Variants in DTWD2 observed in about 807,000 individuals in gnomAD.
DTWD2 encodes the protein tRNA-uridine aminocarboxypropyltransferase 2.
DTWD2 carries 39 observed loss-of-function variants against 31.8 expected under a neutral mutation model. That is an observed-to-expected ratio of 1.22 (90% CI 0.95 to 1.60). The LOEUF is 1.60. Among genes scored for constraint, DTWD2 ranks in the 40% most tolerant of loss-of-function variants. The pLI, the probability that DTWD2 is intolerant of heterozygous loss-of-function variation, is 0.00. For missense variants in DTWD2, 515 were observed against 381.5 expected, an observed-to-expected ratio of 1.35 and a Z score of -2.92; for synonymous variants, 180 against 142.8, an observed-to-expected ratio of 1.26 and a Z score of -1.86.
rs1580445273 is a variant in DTWD2, at chr5:118,968,136, C to A, written c.218+20158G>T. ...AATCATGAGAAATCATAAGTCAAAC[C>A]CAACTTGAGAGACATTCTACAAAAT... On this transcript the variant is annotated intron_variant, in intron 1 of 5. Coordinates refer to ENST00000510708, the MANE Select transcript of DTWD2 (RefSeq NM_173666.4). 2.0e-5 allele frequency among the ~76,000 whole-genome samples: 3 copies of A among 151,066 alleles called. No homozygotes were observed. The East Asian group carries it at 5.8e-4, about 29-fold the overall frequency.
intron 4 of DTWD2, among the ~76,000 whole-genome samples, chr5:118,889,212 G>A (rs990411435): frequency 1.3e-5 from 2 of 151,918 alleles, no homozygotes; most frequent in African/African-American, 4.8e-5. Flanking sequence ...GTCCTTCCCT[G>A]GTACTTCCTG....
intron 4 of DTWD2, among the ~76,000 whole-genome samples, chr5:118,879,681 T>G (rs1752698579): frequency 6.6e-6 from 1 of 150,558 alleles, no homozygotes; most frequent in South Asian, 2.1e-4. Flanking sequence ...AAGGCCCTTA[T>G]CCTTAGTAAA....
At chr5:118,842,886 G>A (rs1214415461) in intron 5 of DTWD2, among the ~76,000 whole-genome samples, 2 of 151,816 alleles carry the variant, frequency 1.3e-5, no homozygotes, top group Non-Finnish European at 2.9e-5. Flanking sequence ...GGTCAAGGCG[G>A]CAGTGAGCCA....
intron 1 of DTWD2, chr5:118,974,089 C>A (rs532139791): frequency 3.1e-6 from 5 of 1,599,566 alleles, no homozygotes; most frequent in Admixed American, 1.7e-5. Context: ...ATGACGATGT[C>A]GATACCAAGA....
intron 1 of DTWD2, among the ~76,000 whole-genome samples, chr5:118,961,133 T>G (rs928822315): frequency 1.3e-5 from 2 of 152,072 alleles, no homozygotes; most frequent in Admixed American, 6.5e-5. Context: ...AGAGGCCAGA[T>G]GCCTAGAGAA....
chr5:118,905,501 T>C (rs761099176), intron 4 of DTWD2, among the ~76,000 whole-genome samples: 49 of 152,276 alleles, frequency 3.2e-4, no homozygotes, highest in South Asian at 4.1e-4. Flanking sequence ...ACTGCAATCA[T>C]CCTGCTCTAT....
At chr5:118,913,738 T>G (rs73239050) in intron 4 of DTWD2, among the ~76,000 whole-genome samples, 6,073 of 151,924 alleles carry the variant, frequency 0.04, 399 homozygotes, top group African/African-American at 0.14. Context: ...GAGCAAGAAA[T>G]CAATTTAAAC....
intron 2 of DTWD2, among the ~76,000 whole-genome samples, chr5:118,943,348 G>A (rs1395098033): frequency 3.9e-5 from 6 of 152,060 alleles, no homozygotes; most frequent in Non-Finnish European, 7.4e-5. Context: ...TCAGGAGATC[G>A]AGACCATCCT....
intron 5 of DTWD2, among the ~76,000 whole-genome samples, chr5:118,844,921 T>C (rs1751813476): frequency 6.6e-6 from 1 of 151,808 alleles, no homozygotes; most frequent in Admixed American, 6.6e-5. Context: ...ATCGCTTAAA[T>C]CCCCTAGGAG....
chr5:118,844,870 A>C (rs767048176), intron 5 of DTWD2, among the ~76,000 whole-genome samples: 2 of 152,220 alleles, frequency 1.3e-5, no homozygotes, highest in Non-Finnish European at 2.9e-5. Context: ...ACAGTAGCTC[A>C]GACCTGTAAT....
intron 4 of DTWD2, among the ~76,000 whole-genome samples, chr5:118,891,064 G>T (rs1340755136): frequency 6.6e-6 from 1 of 152,154 alleles, no homozygotes; most frequent in African/African-American, 2.4e-5. Context: ...CCAATAAAGA[G>T]ATTTCATTAG....
At chr5:118,975,895 T>A (rs927436667) in intron 1 of DTWD2, among the ~76,000 whole-genome samples, 1 of 152,198 alleles carries the variant, frequency 6.6e-6, no homozygotes, top group Non-Finnish European at 1.5e-5. Context: ...ATATACATTC[T>A]TCTCATCACC....
chr5:118,903,047 A>G (rs1271269267), intron 4 of DTWD2, among the ~76,000 whole-genome samples: 1 of 152,026 alleles, frequency 6.6e-6, no homozygotes, highest in African/African-American at 2.4e-5. Context: ...AGTCATTAAA[A>G]TGATATTTAA....
chr5:118,844,925 C>A (rs571470844), intron 5 of DTWD2, among the ~76,000 whole-genome samples: 54 of 152,188 alleles, frequency 3.5e-4, no homozygotes, highest in African/African-American at 1.2e-3. Context: ...CTTAAATCCC[C>A]TAGGAGTTCA....
rs1390673041 is a variant in DTWD2 at position 118,837,587 on chromosome 5, G to T, written c.*3330C>A. Reference sequence around the variant, plus strand: ...ATGATCACATTTTTAAACCTATTTAGGGCAACAGTTGGAAATATGTGATGA... The same window carrying T: ...ATGATCACATTTTTAAACCTATTTATGGCAACAGTTGGAAATATGTGATGA... On this transcript the variant is annotated 3_prime_UTR_variant, in exon 6 of 6. Transcript: ENST00000510708. 1 of 152,100 alleles carries T rather than the reference G, an allele frequency of 6.6e-6. No individual in the cohort carries two copies. Among genetic ancestry groups the T allele is most frequent in the East Asian group, 1.9e-4 (1 of 5,196 alleles). The allele number at this position is 152,100 out of a possible 1,614,324, so 9.4% of individuals were successfully genotyped here.
intron 4 of DTWD2, among the ~76,000 whole-genome samples, chr5:118,881,839 G>A (rs549413333): frequency 5.3e-5 from 8 of 152,226 alleles, no homozygotes; most frequent in Middle Eastern, 6.8e-3. Flanking sequence ...CAACAGGTCC[G>A]TCCTCCAACA....
chr5:118,963,368 C>A (rs1054041075), intron 1 of DTWD2, among the ~76,000 whole-genome samples: 2 of 152,082 alleles, frequency 1.3e-5, no homozygotes, highest in African/African-American at 4.8e-5. Flanking sequence ...AATAACAGAA[C>A]AAAGGCATGG....
intron 4 of DTWD2, among the ~76,000 whole-genome samples, chr5:118,876,489 G>C (rs534086103): frequency 6.3e-4 from 96 of 152,110 alleles, no homozygotes; most frequent in Non-Finnish European, 1.2e-3. Flanking sequence ...CCACTAGCTA[G>C]ACTTATAAAC....
chr5:118,919,793 A>G (rs768012985), intron 4 of DTWD2, among the ~76,000 whole-genome samples: 10 of 152,180 alleles, frequency 6.6e-5, no homozygotes, highest in Non-Finnish European at 1.5e-4. Context: ...ACCAAAGATC[A>G]TCTCATATTT....
Sources: allele counts gnomAD v4.1 joint callset (sites outside exome capture counted in the v4.1 genomes callset), GRCh38; gene constraint gnomAD v4.1.1; transcripts MANE v1.5; gene names NCBI Gene and HGNC (gene_info 2026-07-23, HGNC 2026-07-21).